Variants in DECR1 observed in about 807,000 individuals in gnomAD.
The protein encoded by DECR1 is 2,4-dienoyl-CoA reductase 1.
A neutral mutation model predicts 38.8 loss-of-function variants in DECR1; 44 were observed. The ratio of observed to expected loss-of-function variants is 1.13; its 90% confidence interval spans 0.89 to 1.46. The LOEUF is 1.46. Among genes scored for constraint, DECR1 ranks in the 40% most tolerant of loss-of-function variants. The probability of loss-of-function intolerance (pLI) is 0.00; values close to 1 mark genes in which losing one functional copy is unlikely to be tolerated. For synonymous variants in DECR1, 148 were observed against 135.2 expected (o/e 1.09, Z -0.66); for missense variants, 428 against 405.5 (o/e 1.06, Z -0.48).
rs561767202 is a variant in DECR1, at chr8:90,052,458, G to A, written c.*561G>A. Among the ~76,000 whole-genome samples, 5 of 152,082 alleles carry A rather than the reference G, an allele frequency of 3.3e-5. No individual in the cohort carries two copies. Among genetic ancestry groups the A allele is most frequent in the Admixed American group, 6.5e-5 (1 of 15,280 alleles). On this transcript the variant is annotated 3_prime_UTR_variant, in exon 10 of 10. Coordinates refer to ENST00000220764, the MANE Select transcript of DECR1 (RefSeq NM_001359.2). ...ATTTAGTACTGAATAAGCTATAGCCGTTGCCCTTTTTAAATTCATTATCTA... is the reference window on the plus strand; with the variant it reads ...ATTTAGTACTGAATAAGCTATAGCCATTGCCCTTTTTAAATTCATTATCTA...
At chr8:90,032,354 C>T (rs928119641) in intron 5 of DECR1, among the ~76,000 whole-genome samples, 1 of 152,132 alleles carries the variant, frequency 6.6e-6, no homozygotes, top group Non-Finnish European at 1.5e-5. Flanking sequence ...TAGGGACTGA[C>T]TTTCTCTTCT....
intron 5 of DECR1, among the ~76,000 whole-genome samples, chr8:90,033,201 T>A (rs1016877764): frequency 1.3e-5 from 2 of 152,332 alleles, no homozygotes; most frequent in African/African-American, 4.8e-5. Flanking sequence ...AACTTTTGAA[T>A]CTTCTTTTGA....
chr8:90,013,399 G>GTTTTTTTTTTTTTTTTTTTTTT lies in DECR1; in HGVS notation c.70-3723_70-3702dup, dbSNP rs57505716. Among the ~76,000 whole-genome samples, 16 of 77,984 alleles carry GTTTTTTTTTTTTTTTTTTTTTT rather than the reference G, an allele frequency of 2.1e-4. 1 individual carries two copies. Among genetic ancestry groups the GTTTTTTTTTTTTTTTTTTTTTT allele is most frequent in the East Asian group, 9.1e-4 (2 of 2,190 alleles). The allele number at this position is 77,984 out of a possible 152,430, so 51.2% of individuals were successfully genotyped here. On this transcript the variant is annotated intron_variant, in intron 1 of 9. Coordinates refer to ENST00000220764, the MANE Select transcript of DECR1 (RefSeq NM_001359.2). ...AAATAAAAGCCTTGCCTCTTCTTTC[G>GTTTTTTTTTTTTTTTTTTTTTT]TTTTTTTTTTTTTTTTTTTTTTTGT...
At chr8:90,019,488 T>C (rs1258249763) in intron 4 of DECR1, among the ~76,000 whole-genome samples, 1 of 152,258 alleles carries the variant, frequency 6.6e-6, no homozygotes, top group Non-Finnish European at 1.5e-5. Context: ...ATACCCACTT[T>C]TAATTGCCTG....
intron 8 of DECR1, among the ~76,000 whole-genome samples, chr8:90,051,332 C>T (rs1049996430): frequency 6.0e-5 from 9 of 150,498 alleles, no homozygotes; most frequent in East Asian, 5.8e-4. Context: ...AAAAGGGAGA[C>T]GAGAGAGAGA....
At chr8:90,042,940 T>A in intron 7 of DECR1, 140 bp downstream of exon 7, 1 of 678,576 alleles carries the variant, frequency 1.5e-6, no homozygotes, top group Non-Finnish European at 2.6e-6. Flanking sequence ...GGCCTTTGCC[T>A]TTATTCATTA....
At chr8:90,022,040 A>G (rs1274340987) in intron 5 of DECR1, among the ~76,000 whole-genome samples, 4 of 152,186 alleles carry the variant, frequency 2.6e-5, no homozygotes, top group African/African-American at 9.7e-5. Flanking sequence ...ACTCATGCTC[A>G]AAGCACAGAG....
rs1190561503 is a variant in DECR1 at position 90,044,746 on chromosome 8, T to C, written c.739-103T>C. On this transcript the variant is annotated intron_variant, in intron 7 of 9. Transcript: ENST00000220764. ...TTTTTACTTACAAAGCCTAAGGTTT[T>C]AAGCTGCATGGCAGCATGCCATTTT... The C allele has an allele frequency of 6.4e-6, 8 of 1,248,008 alleles. No individual in the cohort carries two copies. The East Asian group carries it at 2.0e-4, about 31-fold the overall frequency. 77.3% of individuals were successfully genotyped at this position (1,248,008 alleles called of 1,614,324 possible).
chr8:90,028,958 G>A (rs539392137), intron 5 of DECR1, among the ~76,000 whole-genome samples: 2 of 151,870 alleles, frequency 1.3e-5, no homozygotes, highest in Admixed American at 6.6e-5. Context: ...AATTTTTAAC[G>A]CTCACATTTA....
At chr8:90,031,651 G>A (rs1369199447) in intron 5 of DECR1, among the ~76,000 whole-genome samples, 4 of 152,050 alleles carry the variant, frequency 2.6e-5, no homozygotes, top group Admixed American at 1.3e-4. Flanking sequence ...AAAATGGCTC[G>A]GAGACAGGTA....
intron 5 of DECR1, among the ~76,000 whole-genome samples, chr8:90,023,941 C>T (rs945757694): frequency 6.6e-6 from 1 of 152,096 alleles, no homozygotes; most frequent in African/African-American, 2.4e-5. Flanking sequence ...TTGTTCACTT[C>T]CCACCTATGA....
chr8:90,005,599 C>A, intron 1 of DECR1: 1 of 372,336 alleles, frequency 2.7e-6, no homozygotes, highest in Non-Finnish European at 5.2e-6. Context: ...CAGCTGGCTC[C>A]CAAAAGGAAG....
At chr8:90,038,979 T>C (rs1291079677) in intron 6 of DECR1, among the ~76,000 whole-genome samples, 1 of 152,240 alleles carries the variant, frequency 6.6e-6, no homozygotes, top group Non-Finnish European at 1.5e-5. Flanking sequence ...TTCAGTCTTG[T>C]TAGAGCTTTT....
intron 7 of DECR1, among the ~76,000 whole-genome samples, chr8:90,044,435 T>C (rs1393553675): frequency 6.6e-6 from 1 of 152,236 alleles, no homozygotes; most frequent in Non-Finnish European, 1.5e-5. Context: ...TTTTCTTCCT[T>C]TTCCAATACT....
chr8:90,043,687 G>A (rs7012846), intron 7 of DECR1, among the ~76,000 whole-genome samples: 43,981 of 152,024 alleles, frequency 0.29, 6,405 homozygotes, highest in East Asian at 0.39. Flanking sequence ...TTTAAAGGAT[G>A]GGAAATAGAA....
intron 1 of DECR1, among the ~76,000 whole-genome samples, chr8:90,007,304 AC>A (rs1027352359): frequency 3.3e-5 from 5 of 152,202 alleles, no homozygotes; most frequent in Non-Finnish European, 5.9e-5. Flanking sequence ...TTCTGCAGCT[AC>A]CAGGAGCCCT....
At chr8:90,024,633 G>A (rs896579553) in intron 5 of DECR1, among the ~76,000 whole-genome samples, 1 of 152,098 alleles carries the variant, frequency 6.6e-6, no homozygotes, top group African/African-American at 2.4e-5. Context: ...TTTGTCAGAT[G>A]GGTAGATTGC....
chr8:90,006,331 C>A (rs1387856721), intron 1 of DECR1: 1 of 703,762 alleles, frequency 1.4e-6, no homozygotes. Flanking sequence ...AAGCTGAGAC[C>A]TGAAAGATGA....
chr8:90,045,704 T>G (rs1045888404), intron 8 of DECR1, among the ~76,000 whole-genome samples: 3 of 151,844 alleles, frequency 2.0e-5, no homozygotes, highest in African/African-American at 7.3e-5. Context: ...CAGCATGGAG[T>G]TGGAGATCTG....
Sources: allele counts gnomAD v4.1 joint callset (sites outside exome capture counted in the v4.1 genomes callset), GRCh38; gene constraint gnomAD v4.1.1; transcripts MANE v1.5; gene names NCBI Gene and HGNC (gene_info 2026-07-23, HGNC 2026-07-21).